The following TNC variants were observed in gnomAD, a reference collection of about 807,000 sequenced individuals.
The protein encoded by TNC is tenascin C, also known as tenascin.
A neutral mutation model predicts 202.4 loss-of-function variants in TNC; 109 were observed. The ratio of observed to expected loss-of-function variants is 0.54; its 90% confidence interval spans 0.46 to 0.63. The LOEUF is 0.63. Among genes scored for constraint, TNC ranks in the 30% least tolerant of loss-of-function variants. TNC has a pLI of 0.00. For missense variants in TNC, 2,756 were observed against 2,833.3 expected (o/e 0.97, Z 0.62); for synonymous variants, 1,007 against 1,089.7 (o/e 0.92, Z 1.50).
At chr9:115,031,992 C>T (rs1269758919) in intron 22 of TNC, among the ~76,000 whole-genome samples, 1 of 152,164 alleles carries the variant, frequency 6.6e-6, no homozygotes, top group Non-Finnish European at 1.5e-5. Context: ...CTAAGGCTAC[C>T]ACCTGCCCAA....
intron 14 of TNC, among the ~76,000 whole-genome samples, chr9:115,059,399 C>T (rs1390138742): frequency 1.3e-5 from 2 of 152,152 alleles, no homozygotes; most frequent in African/African-American, 4.8e-5. Context: ...TTAGTTATCT[C>T]CAAGCACTGG....
chr9:115,076,106 G>C lies in TNC; in HGVS notation c.2876C>G (p.Thr959Ser). 1 of 1,614,092 alleles carries C rather than the reference G, an allele frequency of 6.2e-7. No individual in the cohort carries two copies. Residue 959 changes from threonine (T) to serine (S), a missense_variant, in exon 9 of 28, where the codon ACT becomes AGT. This residue lies in a region of TNC where 2,559 missense variants were observed against 2,546.0 expected (regional missense o/e 1.01). Transcript: ENST00000350763. ...KTTLTGLRPG[T>S]EYGIGVSAVK... ...AGCAGAAACTCCAATCCCATATTCA[G>C]TTCCCGGCCTCAGACCTAAGGAGAG...
chr9:115,073,986 C>T (rs1833658008), intron 9 of TNC, 120 bp from the exon 10 acceptor site: 2 of 991,364 alleles, frequency 2.0e-6, no homozygotes, highest in Admixed American at 5.4e-5. Context: ...GCTGAGGGAC[C>T]ACAGGAGAGT....
chr9:115,076,757 C>G (rs112162431), intron 7 of TNC, among the ~76,000 whole-genome samples, 182 bp from the exon 8 acceptor site: 3 of 152,144 alleles, frequency 2.0e-5, no homozygotes, highest in African/African-American at 4.8e-5. Context: ...GATTTGGCAC[C>G]TTTCCCTATT....
chr9:115,088,064 T>G (rs896977774), intron 2 of TNC, among the ~76,000 whole-genome samples: 1 of 152,328 alleles, frequency 6.6e-6, no homozygotes, highest in South Asian at 2.1e-4. Context: ...GCCCAAGAAA[T>G]AGTTGTTGAA....
At chr9:115,043,981 A>G (rs1381638260) in intron 17 of TNC, among the ~76,000 whole-genome samples, 1 of 152,176 alleles carries the variant, frequency 6.6e-6, no homozygotes, top group East Asian at 1.9e-4. Context: ...CTGACCTTTG[A>G]GTTAAATTCT....
chr9:115,111,150 T>G (rs1588244383), intron 1 of TNC, among the ~76,000 whole-genome samples: 1 of 152,150 alleles, frequency 6.6e-6, no homozygotes, highest in Non-Finnish European at 1.5e-5. Flanking sequence ...TTGTCATTGA[T>G]AAGAGGTTGC....
In TNC at chr9:115,095,099, G is replaced by A. The variant is rs1243110319; in HGVS notation, c.-136-3945C>T. 3.3e-5 allele frequency among the ~76,000 whole-genome samples: 5 copies of A among 152,002 alleles called. No individual in the cohort carries two copies. In the South Asian group the frequency reaches 8.3e-4, roughly 25 times the overall value. On this transcript the variant is annotated intron_variant, in intron 1 of 27. Transcript: ENST00000350763. The stretch of plus-strand genomic sequence containing the variant: ...TTGAATCACTGTTTGATCACTTCCT[G>A]TTCCTTGTGCAAGGTTATTATCTGT...
chr9:115,038,469 C>CT (rs1342756117), intron 19 of TNC, 89 bp from the exon 20 acceptor site: 1 of 1,511,254 alleles, frequency 6.6e-7, no homozygotes, highest in Non-Finnish European at 9.0e-7. Context: ...TTATGGAGTC[C>CT]TGATGTTAGG....
At chr9:115,039,477 T>C (rs1830574801) in intron 19 of TNC, among the ~76,000 whole-genome samples, 1 of 152,250 alleles carries the variant, frequency 6.6e-6, no homozygotes, top group Non-Finnish European at 1.5e-5. Flanking sequence ...ATTCAAAGGA[T>C]ATTTATCCCT....
At position 115,090,910 on chromosome 9, in the gene TNC, C is replaced by T. The variant is rs139580620; in HGVS notation, c.109G>A (p.Val37Met). Residue 37 changes from valine (V) to methionine (M), a missense_variant, in exon 2 of 28, where the codon GTG (valine) becomes ATG (methionine). By Grantham distance (21) the Val-to-Met change is conservative (BLOSUM62 1). Coordinates refer to ENST00000350763, the MANE Select transcript of TNC (RefSeq NM_002160.4). ...TTCTCTTCTGGCAGGGTGGCGTTCA[C>T]CCCACTCTGTCGCTTGTGCCGGATG... ...KVIRHKRQSGVNATLPEENQP... is the reference protein window; with the variant it reads ...KVIRHKRQSGMNATLPEENQP... 4.2e-5 allele frequency: 67 copies of T among 1,614,142 alleles called. 1 individual carries two copies. In the African/African-American group the frequency reaches 8.4e-4, roughly 20 times the overall value.
chr9:115,040,152 C>T (rs1180035334), intron 19 of TNC, among the ~76,000 whole-genome samples: 11 of 152,142 alleles, frequency 7.2e-5, no homozygotes, highest in Admixed American at 4.6e-4. Context: ...TCAGGTTACA[C>T]TAGGAAAGGA....
intron 13 of TNC, among the ~76,000 whole-genome samples, chr9:115,061,602 T>C (rs985365991): frequency 6.6e-6 from 1 of 152,222 alleles, no homozygotes; most frequent in Non-Finnish European, 1.5e-5. Context: ...TTATGTAGTT[T>C]CTAGCAACCA....
At chr9:115,045,848 C>T (rs180943201) in intron 17 of TNC, among the ~76,000 whole-genome samples, 266 of 152,170 alleles carry the variant, frequency 1.7e-3, no homozygotes, top group Admixed American at 6.1e-3. Context: ...CCAGCTCTCT[C>T]CTTTATCCTT....
At position 115,073,807 on chromosome 9, in the gene TNC, G is replaced by A. The variant is rs1408310488; in HGVS notation, c.3010C>T (p.Leu1004Phe). 6.2e-7 allele frequency: 1 copy of A among 1,613,952 alleles called. No homozygotes were observed. Among genetic ancestry groups the A allele is most frequent in the Non-Finnish European group, 8.5e-7 (1 of 1,180,010 alleles). ...AATTTGGCCAACGGTGTCTTCCAGA[G>A]CAGGGTCAGGCTGGTCTCTGCAGTT... ...SETAETSLTL[L>F]WKTPLAKFDR... The change falls in exon 10 of 28, where the codon CTC becomes TTC. Residue 1004 changes from leucine to phenylalanine, a missense_variant. By Grantham distance (22) the Leu-to-Phe change is conservative (BLOSUM62 0). This residue lies in a region of TNC where 2,559 missense variants were observed against 2,546.0 expected (regional missense o/e 1.01). Coordinates refer to ENST00000350763, the MANE Select transcript of TNC (RefSeq NM_002160.4).
intron 13 of TNC, among the ~76,000 whole-genome samples, chr9:115,061,421 T>C (rs1832536451): frequency 6.6e-6 from 1 of 152,108 alleles, no homozygotes; most frequent in Non-Finnish European, 1.5e-5. Flanking sequence ...GAAGATTTCA[T>C]TTGCAAAAGG....
chr9:115,037,394 C>A (rs948296643), intron 20 of TNC, among the ~76,000 whole-genome samples: 3 of 152,166 alleles, frequency 2.0e-5, no homozygotes, highest in Non-Finnish European at 4.4e-5. Flanking sequence ...CAGTCTCTTA[C>A]TTATATTTGA....
intron 22 of TNC, 99 bp downstream of exon 22, chr9:115,035,105 C>A: frequency 7.3e-7 from 1 of 1,373,140 alleles, no homozygotes. Context: ...TCCCCAGATG[C>A]ACTGGGGTAG....
In TNC at chr9:115,057,261, G is replaced by A. The variant is rs1365804696; in HGVS notation, c.4471C>T (p.Arg1491Ter). 6.2e-6 allele frequency: 10 copies of A among 1,614,002 alleles called. No homozygotes were observed. The highest frequency in any genetic ancestry group is 2.2e-5 in the South Asian group (2 of 91,082). ...TVEYNISGAE[R>*]TAHISGLPPS... ...GGTAGCCCTGAGATATGGGCAGTTC[G>A]TTCAGCACCAGAGATATTATATTCC... is the stretch of plus-strand genomic sequence containing the variant. Residue 1491 changes from arginine (R) to a stop codon, truncating the protein, a stop_gained, in exon 15 of 28, where the codon CGA becomes TGA. Coordinates refer to ENST00000350763, the MANE Select transcript of TNC (RefSeq NM_002160.4). LOFTEE classifies it high-confidence loss of function.
Sources: allele counts gnomAD v4.1 joint callset (sites outside exome capture counted in the v4.1 genomes callset), GRCh38; gene constraint gnomAD v4.1.1; regional missense constraint gnomAD v4.1.1; transcripts MANE v1.5; gene names NCBI Gene and HGNC (gene_info 2026-07-23, HGNC 2026-07-21).